CSNK1G1: variants seen among roughly 807,000 people sequenced by gnomAD.
CSNK1G1 encodes casein kinase I isoform gamma-1.
In CSNK1G1, 22 loss-of-function variants were observed where a neutral mutation model predicts 59.6. The observed-to-expected ratio is 0.37, with a 90% confidence interval of 0.26 to 0.53. CSNK1G1 has a LOEUF of 0.53. Among genes scored for constraint, CSNK1G1 ranks in the 20% least tolerant of loss-of-function variants. CSNK1G1 has a pLI of 0.89. For missense variants in CSNK1G1, 384 were observed against 519.5 expected (o/e 0.74, Z 2.54); for synonymous variants, 179 against 177.1 (o/e 1.01, Z -0.08).
intron 1 of CSNK1G1, among the ~76,000 whole-genome samples, chr15:64,304,271 T>G (rs1268956669): frequency 6.7e-6 from 1 of 150,040 alleles, no homozygotes; most frequent in Non-Finnish European, 1.5e-5. Flanking sequence ...TAATCCCAGC[T>G]ACTTGGGTGG....
intron 1 of CSNK1G1, among the ~76,000 whole-genome samples, chr15:64,338,724 A>AC (rs1897526787): frequency 6.9e-6 from 1 of 144,764 alleles, no homozygotes; most frequent in South Asian, 2.2e-4. Context: ...AAAAAAAAAA[A>AC]AAAACACTTC....
At chr15:64,258,093 C>A (rs575648999) in intron 3 of CSNK1G1, among the ~76,000 whole-genome samples, 1 of 152,238 alleles carries the variant, frequency 6.6e-6, no homozygotes, top group East Asian at 1.9e-4. Context: ...AATCACAGAA[C>A]AAGTGTGGAT....
rs2082129890 is a variant in CSNK1G1, at chr15:64,203,125, G to A, written c.1064C>T (p.Thr355Ile). The A allele has an allele frequency of 6.2e-7, 1 of 1,613,976 alleles. No individual in the cohort carries two copies. The highest frequency in any genetic ancestry group is 1.1e-5 in the South Asian group (1 of 91,086). The change falls in exon 10 of 12, where the codon ACA becomes ATA. Residue 355 changes from threonine (T) to isoleucine (I), a missense_variant. Coordinates refer to ENST00000303052, the MANE Select transcript of CSNK1G1 (RefSeq NM_022048.5). The stretch of plus-strand genomic sequence containing the variant: ...CTGTTGTGATGGCCGATCCCTATGT[G>A]TGTGGCTTTCTCGAGTTATTGCAGA... ...GASAITRESH[T>I]HRDRPSQQQP...
At chr15:64,270,901 T>G (rs927019956) in intron 2 of CSNK1G1, among the ~76,000 whole-genome samples, 1 of 152,226 alleles carries the variant, frequency 6.6e-6, no homozygotes, top group Non-Finnish European at 1.5e-5. Flanking sequence ...GTAGGTTGTT[T>G]AATTTCCATG....
intron 4 of CSNK1G1, among the ~76,000 whole-genome samples, chr15:64,231,937 G>C (rs1474188281): frequency 1.3e-5 from 2 of 152,132 alleles, no homozygotes; most frequent in Non-Finnish European, 2.9e-5. Context: ...GTACTGAAGG[G>C]CAGAGATCAT....
intron 1 of CSNK1G1, among the ~76,000 whole-genome samples, chr15:64,322,807 G>A (rs1413695476): frequency 6.6e-6 from 1 of 152,086 alleles, no homozygotes; most frequent in East Asian, 1.9e-4. Context: ...GGTGACAGAG[G>A]AGATCCTATC....
At chr15:64,271,581 G>A (rs1893309349) in intron 2 of CSNK1G1, among the ~76,000 whole-genome samples, 2 of 152,194 alleles carry the variant, frequency 1.3e-5, no homozygotes, top group African/African-American at 4.8e-5. Flanking sequence ...TAGCCACAGT[G>A]CCCAGCCTTG....
chr15:64,228,845 T>C (rs1296730362), intron 4 of CSNK1G1, among the ~76,000 whole-genome samples: 2 of 151,706 alleles, frequency 1.3e-5, no homozygotes, highest in African/African-American at 2.4e-5. Flanking sequence ...GTGAAACCCC[T>C]GTCTCTACCA....
chr15:64,252,617 T>C (rs971422261), intron 3 of CSNK1G1, among the ~76,000 whole-genome samples: 1 of 152,248 alleles, frequency 6.6e-6, no homozygotes, highest in Non-Finnish European at 1.5e-5. Flanking sequence ...ACTGTTTTCA[T>C]TTTCCAATAT....
At chr15:64,263,079 C>CAAAAAA in intron 2 of CSNK1G1, among the ~76,000 whole-genome samples, 1 of 53,574 alleles carries the variant, frequency 1.9e-5, no homozygotes, top group African/African-American at 5.0e-5. Flanking sequence ...AACGCCATCT[C>CAAAAAA]AAAAAAAAAA....
In CSNK1G1 at chr15:64,300,568, A is replaced by G; in HGVS notation, c.-69T>C. On this transcript the variant is annotated 5_prime_UTR_variant, in exon 2 of 12. Coordinates refer to ENST00000303052, the MANE Select transcript of CSNK1G1 (RefSeq NM_022048.5). ...AGTATGTATACCTCTCTTCAATACAAAAGTATGTCCAAATAAATTGTAGTC... is the reference window on the plus strand; with the variant it reads ...AGTATGTATACCTCTCTTCAATACAGAAGTATGTCCAAATAAATTGTAGTC... The G allele has an allele frequency of 5.4e-6, 8 of 1,492,432 alleles. No individual in the cohort carries two copies. Among genetic ancestry groups the G allele is most frequent in the African/African-American group, 1.4e-5 (1 of 71,592 alleles). The allele number at this position is 1,492,432 out of a possible 1,614,324, so 92.4% of individuals were successfully genotyped here.
rs537301110 is a variant in CSNK1G1 at position 64,181,098 on chromosome 15, C to T, written c.1108-644G>A. 1.7e-5 allele frequency: 23 copies of T among 1,390,900 alleles called. No individual in the cohort carries two copies. In the East Asian group the frequency reaches 3.1e-4, roughly 19 times the overall value. The allele number at this position is 1,390,900 out of a possible 1,614,324, so 86.2% of individuals were successfully genotyped here. On this transcript the variant is annotated intron_variant, in intron 10 of 11. Coordinates refer to ENST00000303052, the MANE Select transcript of CSNK1G1 (RefSeq NM_022048.5). ...TTCCTCATGGCTTTGAGCACTGGTT[C>T]GAAGTTACAAATAACAAGATTGTCA...
intron 1 of CSNK1G1, among the ~76,000 whole-genome samples, chr15:64,351,733 GC>G: frequency 6.6e-6 from 1 of 152,122 alleles, no homozygotes; most frequent in Non-Finnish European, 1.5e-5. Flanking sequence ...ACAAAAATTA[GC>G]CAGGTATGCT....
chr15:64,260,108 A>G (rs772603322), intron 2 of CSNK1G1, among the ~76,000 whole-genome samples: 1 of 152,170 alleles, frequency 6.6e-6, no homozygotes, highest in African/African-American at 2.4e-5. Flanking sequence ...TGCTTAGTAC[A>G]TATCATGTAG....
chr15:64,197,921 C>T (rs2082057392), intron 10 of CSNK1G1, among the ~76,000 whole-genome samples: 1 of 151,942 alleles, frequency 6.6e-6, no homozygotes, highest in East Asian at 1.9e-4. Context: ...CTAGATAAAA[C>T]ATTTGTTGTT....
chr15:64,247,473 A>C (rs916292784), intron 4 of CSNK1G1, among the ~76,000 whole-genome samples: 15 of 152,340 alleles, frequency 9.8e-5, no homozygotes, highest in South Asian at 2.1e-4. Context: ...ATCAATTCTT[A>C]AGCATTAAGT....
chr15:64,278,030 T>C (rs1199017229), intron 2 of CSNK1G1, among the ~76,000 whole-genome samples: 1 of 147,914 alleles, frequency 6.8e-6, no homozygotes, highest in East Asian at 1.9e-4. Flanking sequence ...ATATTAATAT[T>C]ATTTTATTAT....
At chr15:64,304,939 CTT>C (rs5813290) in intron 1 of CSNK1G1, among the ~76,000 whole-genome samples, 6 of 152,174 alleles carry the variant, frequency 3.9e-5, no homozygotes, top group Non-Finnish European at 7.3e-5. Context: ...CCACACATTG[CTT>C]TTGGTCCTCA....
chr15:64,302,867 C>T (rs1446487126), intron 1 of CSNK1G1, among the ~76,000 whole-genome samples: 3 of 152,130 alleles, frequency 2.0e-5, no homozygotes, highest in African/African-American at 4.8e-5. Context: ...AACTATATTA[C>T]ATTGCCTATT....
Sources: allele counts gnomAD v4.1 joint callset (sites outside exome capture counted in the v4.1 genomes callset), GRCh38; gene constraint gnomAD v4.1.1; transcripts MANE v1.5; gene names NCBI Gene and HGNC (gene_info 2026-07-23, HGNC 2026-07-21).